Variants in VPS41 observed in about 807,000 individuals in gnomAD.
The protein encoded by VPS41 is vacuolar protein sorting-associated protein 41 homolog.
Under a neutral mutation model 130.9 loss-of-function variants are expected in VPS41, and 85 were observed. That is an observed-to-expected ratio of 0.65 (90% CI 0.55 to 0.78). The LOEUF (loss-of-function observed/expected upper bound fraction) is 0.78. Among genes scored for constraint, VPS41 ranks in the 30% least tolerant of loss-of-function variants. VPS41 has a pLI of 0.00. For missense variants in VPS41, 874 were observed against 1,018.7 expected (o/e 0.86, Z 1.93); for synonymous variants, 335 against 332.9 (o/e 1.01, Z -0.07).
chr7:38,780,730 C>T (rs142020720), intron 10 of VPS41, among the ~76,000 whole-genome samples: 1,750 of 152,246 alleles, frequency 0.011, 11 homozygotes, highest in South Asian at 0.023. Flanking sequence ...GGATGTGTGG[C>T]CCTGCCCAAA....
At chr7:38,906,061 G>T (rs1018893640) in intron 1 of VPS41, among the ~76,000 whole-genome samples, 2 of 152,102 alleles carry the variant, frequency 1.3e-5, no homozygotes, top group Admixed American at 1.3e-4. Context: ...CTCCCGAAGT[G>T]CTGGGATTAC....
At chr7:38,810,840 T>C (rs2116062996) in intron 7 of VPS41, among the ~76,000 whole-genome samples, 1 of 152,330 alleles carries the variant, frequency 6.6e-6, no homozygotes, top group South Asian at 2.1e-4. Context: ...GGGATCTTGA[T>C]ATCTATAACA....
chr7:38,772,632 A>G lies in VPS41; in HGVS notation c.1018T>C (p.Ser340Pro). 1 of 1,608,074 alleles carries G rather than the reference A, an allele frequency of 6.2e-7. No homozygotes were observed. The highest frequency in any genetic ancestry group is 8.5e-7 in the Non-Finnish European group (1 of 1,175,310). Residue 340 changes from serine (S) to proline (P), a missense_variant, in exon 13 of 29, where the codon TCT (serine) becomes CCT (proline). Physicochemically the swap from Ser to Pro is moderately conservative, Grantham distance 74 (BLOSUM62 -1). Transcript: ENST00000310301. ...NECRDYHLEY[S>P]EGESLFYIVS... ...ATGTAAAAAAGTGATTCCCCTTCAGAGTATTCTGTAGGTGAGAAAAGAGAG... is the reference window on the plus strand; with the variant it reads ...ATGTAAAAAAGTGATTCCCCTTCAGGGTATTCTGTAGGTGAGAAAAGAGAG...
chr7:38,869,328 C>A, intron 2 of VPS41, 75 bp from the exon 3 acceptor site: 1 of 979,508 alleles, frequency 1.0e-6, no homozygotes, highest in Non-Finnish European at 1.6e-6. Flanking sequence ...ACACTTCTTA[C>A]GAGAGAACCA....
chr7:38,812,604 C>A (rs555846467), intron 7 of VPS41, among the ~76,000 whole-genome samples: 3 of 152,086 alleles, frequency 2.0e-5, no homozygotes, highest in Admixed American at 6.5e-5. Flanking sequence ...AGTGAAAAGA[C>A]AACTCATAGG....
chr7:38,723,326 C>A lies in VPS41; in HGVS notation c.*2920G>T, dbSNP rs1205237927. On this transcript the variant is annotated 3_prime_UTR_variant, in exon 29 of 29. Transcript: ENST00000310301. ...CTGTTGGAAACTTCTCAAAAATTCT[C>A]AAGGATGAACATAATTAAACCAGTA... 1 of 152,154 alleles carries A rather than the reference C, an allele frequency of 6.6e-6. No homozygotes were observed. The highest frequency in any genetic ancestry group is 1.5e-5 in the Non-Finnish European group (1 of 68,028). The allele number at this position is 152,154 out of a possible 1,614,324, so 9.4% of individuals were successfully genotyped here. A position where few individuals can be genotyped will look rare whatever the true frequency, so the allele number is the denominator to read the frequency against.
intron 12 of VPS41, among the ~76,000 whole-genome samples, chr7:38,773,325 A>T (rs1352291954): frequency 2.0e-5 from 3 of 151,978 alleles, no homozygotes; most frequent in Non-Finnish European, 4.4e-5. Flanking sequence ...GACACTTTTC[A>T]GTTGTGAATC....
chr7:38,809,729 A>G (rs1188343142), intron 7 of VPS41, among the ~76,000 whole-genome samples: 1 of 152,136 alleles, frequency 6.6e-6, no homozygotes, highest in Non-Finnish European at 1.5e-5. Context: ...AGGTCCCCTC[A>G]TTCTATCCCA....
At chr7:38,887,293 C>T (rs139794745) in intron 2 of VPS41, among the ~76,000 whole-genome samples, 146 of 152,204 alleles carry the variant, frequency 9.6e-4, no homozygotes, top group African/African-American at 3.4e-3. Context: ...AAAGGTTAGA[C>T]GAATGGCTAA....
intron 17 of VPS41, among the ~76,000 whole-genome samples, chr7:38,761,345 G>A (rs2115763887): frequency 7.8e-6 from 1 of 127,884 alleles, no homozygotes; most frequent in Non-Finnish European, 1.6e-5. Flanking sequence ...GCGCTATCTT[G>A]GCTCACTGCA....
intron 5 of VPS41, among the ~76,000 whole-genome samples, chr7:38,826,681 G>A (rs911035039): frequency 6.6e-6 from 1 of 152,170 alleles, no homozygotes; most frequent in Non-Finnish European, 1.5e-5. Flanking sequence ...CTGAGGTAGA[G>A]AGAGGTATAA....
chr7:38,787,499 T>C (rs1025376785), intron 10 of VPS41, among the ~76,000 whole-genome samples: 1 of 152,184 alleles, frequency 6.6e-6, no homozygotes, highest in African/African-American at 2.4e-5. Flanking sequence ...GTGTTGGTGA[T>C]TGGCCAAGAA....
At chr7:38,787,305 C>G (rs900056395) in intron 10 of VPS41, among the ~76,000 whole-genome samples, 3 of 152,100 alleles carry the variant, frequency 2.0e-5, no homozygotes, top group African/African-American at 4.8e-5. Flanking sequence ...AACTACCATA[C>G]CACAGAGATC....
In VPS41 at chr7:38,789,849, G is replaced by C. The variant is rs754468817; in HGVS notation, c.736C>G (p.Arg246Gly). 6.2e-7 allele frequency: 1 copy of C among 1,613,506 alleles called. No individual in the cohort carries two copies. Among genetic ancestry groups the C allele is most frequent in the Non-Finnish European group, 8.5e-7 (1 of 1,179,678 alleles). Residue 246 changes from arginine (R) to glycine (G), a missense_variant, in exon 10 of 29, where the codon CGG (arginine) becomes GGG (glycine). Physicochemically the swap from Arg to Gly is moderately radical, Grantham distance 125. Coordinates refer to ENST00000310301, the MANE Select transcript of VPS41 (RefSeq NM_014396.4). ...TSVKVCSVKE[R>G]HASEMRDLPS... ...AAATCCCTCATTTCACTGGCATGCCGTTCCTTCACTGAGCACACCTGGAAA... is the reference window on the plus strand; with the variant it reads ...AAATCCCTCATTTCACTGGCATGCCCTTCCTTCACTGAGCACACCTGGAAA...
At chr7:38,757,838 C>G (rs1199031864) in intron 18 of VPS41, among the ~76,000 whole-genome samples, 1 of 152,126 alleles carries the variant, frequency 6.6e-6, no homozygotes, top group South Asian at 2.1e-4. Context: ...TCATAAGCGT[C>G]TCGCACAAAG....
chr7:38,772,738 C>G (rs1784178439), intron 12 of VPS41, 101 bp from the exon 13 acceptor site: 1 of 665,688 alleles, frequency 1.5e-6, no homozygotes, highest in Non-Finnish European at 2.6e-6. Flanking sequence ...CAAGAGCGAA[C>G]AGAAAATGTG....
At chr7:38,860,227 A>G (rs527724724) in intron 4 of VPS41, among the ~76,000 whole-genome samples, 1 of 152,198 alleles carries the variant, frequency 6.6e-6, no homozygotes, top group Non-Finnish European at 1.5e-5. Context: ...TGCTTCAACA[A>G]ACAAGGAAAA....
chr7:38,889,979 A>C (rs1393155835), intron 2 of VPS41, among the ~76,000 whole-genome samples: 4 of 152,350 alleles, frequency 2.6e-5, no homozygotes, highest in African/African-American at 9.6e-5. Flanking sequence ...AGAAGTGGCA[A>C]ACTGTTGTGG....
At chr7:38,863,563 G>A (rs1259777001) in intron 3 of VPS41, among the ~76,000 whole-genome samples, 1 of 152,112 alleles carries the variant, frequency 6.6e-6, no homozygotes, top group African/African-American at 2.4e-5. Context: ...TGAAATTTCA[G>A]TTCAGGCACT....
Sources: allele counts gnomAD v4.1 joint callset (sites outside exome capture counted in the v4.1 genomes callset), GRCh38; gene constraint gnomAD v4.1.1; transcripts MANE v1.5; gene names NCBI Gene and HGNC (gene_info 2026-07-23, HGNC 2026-07-21).